The following PAX5 variants were observed in gnomAD, a reference collection of about 807,000 sequenced individuals.
PAX5 encodes the protein paired box 5.
Under a neutral mutation model 43.7 loss-of-function variants are expected in PAX5, and 9 were observed. That is an observed-to-expected ratio of 0.21 (90% CI 0.12 to 0.36). The LOEUF is 0.36. Among genes scored for constraint, PAX5 ranks in the 10% least tolerant of loss-of-function variants. The pLI, the probability that PAX5 is intolerant of heterozygous loss-of-function variation, is 1.00. For synonymous variants in PAX5, 228 were observed against 214.3 expected (o/e 1.06, Z -0.56); for missense variants, 383 against 532.7 (o/e 0.72, Z 2.77).
intron 6 of PAX5, among the ~76,000 whole-genome samples, chr9:36,929,694 A>C (rs975248686): frequency 2.0e-5 from 3 of 152,220 alleles, no homozygotes; most frequent in Non-Finnish European, 4.4e-5. Context: ...ACTGCAATGC[A>C]ACCATTGGGA....
Position 36,882,605 on chromosome 9 carries a change from C to T in PAX5, c.911-500G>A, listed in dbSNP as rs1265711770. ...CCTCCCTTCTCCTCTCCTCAACAGC[C>T]CCCCACAGTGAACAGGGGGCATATC... On this transcript the variant is annotated intron_variant, in intron 7 of 9. Transcript: ENST00000358127. This position sits in a 1 kb window ranked among gnomAD's most constrained non-coding sequence, Gnocchi z 4.4. Among the ~76,000 whole-genome samples, 1 of 152,216 alleles carries T rather than the reference C, an allele frequency of 6.6e-6. No homozygotes were observed. The highest frequency in any genetic ancestry group is 2.4e-5 in the African/African-American group (1 of 41,452).
chr9:37,025,179 C>T (rs1445729200), intron 1 of PAX5, among the ~76,000 whole-genome samples: 1 of 152,158 alleles, frequency 6.6e-6, no homozygotes, highest in Admixed American at 6.5e-5. Flanking sequence ...CTGCACAGAG[C>T]TCCCCACCGC....
chr9:36,991,240 C>T (rs1836913746), intron 5 of PAX5, among the ~76,000 whole-genome samples: 2 of 152,090 alleles, frequency 1.3e-5, no homozygotes, highest in African/African-American at 4.8e-5. Flanking sequence ...AAAGATGTGA[C>T]TATAATCTCC....
intron 9 of PAX5, among the ~76,000 whole-genome samples, chr9:36,842,398 T>TA (rs1822145314): frequency 6.6e-6 from 1 of 151,998 alleles, no homozygotes; most frequent in Non-Finnish European, 1.5e-5. Flanking sequence ...GAAACGGAAG[T>TA]AGAGTCTTCT....
intron 6 of PAX5, among the ~76,000 whole-genome samples, chr9:36,955,304 G>C (rs1321984432): frequency 2.0e-5 from 3 of 152,124 alleles, no homozygotes; most frequent in African/African-American, 7.2e-5. Flanking sequence ...CTGTAGGCAT[G>C]TTGTACATAC....
intron 7 of PAX5, among the ~76,000 whole-genome samples, chr9:36,910,136 G>A (rs903834285): frequency 2.0e-5 from 3 of 152,078 alleles, no homozygotes; most frequent in African/African-American, 7.2e-5. Flanking sequence ...CCGATATGTT[G>A]ATAAGGTTCA....
At chr9:36,853,513 C>A (rs1243107977) in intron 8 of PAX5, among the ~76,000 whole-genome samples, 1 of 152,070 alleles carries the variant, frequency 6.6e-6, no homozygotes, top group African/African-American at 2.4e-5. Context: ...GGTGAAAGAG[C>A]CCCTGACCTG....
At chr9:36,953,977 G>A (rs1833227066) in intron 6 of PAX5, among the ~76,000 whole-genome samples, 2 of 152,082 alleles carry the variant, frequency 1.3e-5, no homozygotes, top group Admixed American at 6.5e-5. Context: ...GGGGCTGAGA[G>A]GGGAGAATCA....
At chr9:36,952,506 A>G (rs1166945592) in intron 6 of PAX5, among the ~76,000 whole-genome samples, 1 of 152,138 alleles carries the variant, frequency 6.6e-6, no homozygotes, top group African/African-American at 2.4e-5. Context: ...ATTCATATCT[A>G]CTACGTTTGT....
At chr9:36,991,044 G>A (rs1836891057) in intron 5 of PAX5, among the ~76,000 whole-genome samples, 2 of 151,724 alleles carry the variant, frequency 1.3e-5, no homozygotes, top group Non-Finnish European at 2.9e-5. Context: ...AGGAGGCAGA[G>A]GTTGCAGTGA....
At chr9:36,921,541 C>T (rs1415102520) in intron 7 of PAX5, among the ~76,000 whole-genome samples, 3 of 152,210 alleles carry the variant, frequency 2.0e-5, no homozygotes, top group Non-Finnish European at 2.9e-5. Context: ...CACTCAACTG[C>T]CCCAAGCCTC....
At chr9:36,991,643 G>A (rs540987656) in intron 5 of PAX5, among the ~76,000 whole-genome samples, 2 of 152,202 alleles carry the variant, frequency 1.3e-5, no homozygotes, top group South Asian at 2.1e-4. Flanking sequence ...TGCCACCTCC[G>A]ACCCAGTTAC....
At chr9:36,965,485 CACAG>C (rs1834346064) in intron 6 of PAX5, among the ~76,000 whole-genome samples, 1 of 152,254 alleles carries the variant, frequency 6.6e-6, no homozygotes. Flanking sequence ...ACTGCTCAGA[CACAG>C]ACAGACTGTC....
chr9:36,975,304 C>A (rs1835319174), intron 5 of PAX5, among the ~76,000 whole-genome samples: 1 of 152,174 alleles, frequency 6.6e-6, no homozygotes, highest in Admixed American at 6.5e-5. Flanking sequence ...AGTGGGGAAG[C>A]CTAGGCACTC....
At chr9:36,936,178 G>T (rs1563985931) in intron 6 of PAX5, among the ~76,000 whole-genome samples, 1 of 152,222 alleles carries the variant, frequency 6.6e-6, no homozygotes, top group Non-Finnish European at 1.5e-5. Flanking sequence ...AGAGCACAAA[G>T]CTCCACTTCT....
At chr9:36,881,431 CATGGCAGCCTCCTCTCCAG>C (rs1826402934) in intron 8 of PAX5, among the ~76,000 whole-genome samples, 1 of 152,136 alleles carries the variant, frequency 6.6e-6, no homozygotes, top group South Asian at 2.1e-4. Flanking sequence ...TGTAAGGAGA[CATGGCAGCCTCCTCTCCAG>C]ATGTTTTAAA....
chr9:36,878,985 G>A (rs1826158435), intron 8 of PAX5, among the ~76,000 whole-genome samples: 1 of 152,228 alleles, frequency 6.6e-6, no homozygotes, highest in Non-Finnish European at 1.5e-5. Context: ...ACAGAGAGAT[G>A]CAGAAGGAAA....
At chr9:36,856,923 C>T (rs911549859) in intron 8 of PAX5, among the ~76,000 whole-genome samples, 33 of 152,296 alleles carry the variant, frequency 2.2e-4, no homozygotes, top group Middle Eastern at 3.4e-3. Flanking sequence ...CCTGGAAACC[C>T]GAAGAGTCTC....
At chr9:36,869,210 G>C (rs774299286) in intron 8 of PAX5, among the ~76,000 whole-genome samples, 1 of 152,166 alleles carries the variant, frequency 6.6e-6, no homozygotes, top group Non-Finnish European at 1.5e-5. Context: ...AAGCCGAAGG[G>C]AGTCAAACTC....
Sources: gnomAD v4.1 joint callset for allele counts (sites outside exome capture counted in the v4.1 genomes callset) on GRCh38, gnomAD v4.1.1 for gene constraint, Gnocchi (gnomAD v3.1) non-coding constraint, MANE v1.5 for transcripts, NCBI Gene and HGNC (gene_info 2026-07-23, HGNC 2026-07-21) for gene names.